The following FBXO42 variants were observed in gnomAD, a reference collection of about 807,000 sequenced individuals.
FBXO42 encodes the protein F-box protein 42, also known as F-box only protein 42.
Under a neutral mutation model 71.7 loss-of-function variants are expected in FBXO42, and 12 were observed. The observed-to-expected ratio is 0.17, with a 90% CI of 0.11 to 0.27. The LOEUF (loss-of-function observed/expected upper bound fraction) is 0.27, where lower values mean the gene tolerates loss of function less well. FBXO42 is among the 10% of genes least tolerant of loss of function. FBXO42 has a pLI of 1.00. For synonymous variants in FBXO42, 325 were observed against 327.5 expected (o/e 0.99, Z 0.08); for missense variants, 707 against 911.9 (o/e 0.78, Z 2.89).
intron 4 of FBXO42, among the ~76,000 whole-genome samples, chr1:16,261,331 G>A (rs1036977499): frequency 5.3e-5 from 8 of 152,172 alleles, no homozygotes; most frequent in African/African-American, 1.9e-4. Context: ...ATCAATATAA[G>A]AGATCCTCTA....
chr1:16,298,790 G>A (rs146927966), intron 3 of FBXO42, among the ~76,000 whole-genome samples: 61 of 151,942 alleles, frequency 4.0e-4, no homozygotes, highest in African/African-American at 1.4e-3. Flanking sequence ...GATTATAGGC[G>A]TGAGCCACCG....
chr1:16,278,964 CG>C (rs2081932795), intron 4 of FBXO42, among the ~76,000 whole-genome samples: 1 of 151,894 alleles, frequency 6.6e-6, no homozygotes, highest in Admixed American at 6.6e-5. Flanking sequence ...TTTTAGTACA[CG>C]GGGTTTCTCC....
intron 2 of FBXO42, among the ~76,000 whole-genome samples, chr1:16,310,531 C>T (rs1162295403): frequency 1.3e-5 from 2 of 152,004 alleles, no homozygotes; most frequent in Admixed American, 6.6e-5. Flanking sequence ...ACCTTATCCC[C>T]TCCCCAAAAT....
At chr1:16,289,131 C>T (rs1309087122) in intron 4 of FBXO42, among the ~76,000 whole-genome samples, 1 of 151,772 alleles carries the variant, frequency 6.6e-6, no homozygotes, top group Non-Finnish European at 1.5e-5. Context: ...GGCAGTGGCT[C>T]ATGCCTGTAA....
At chr1:16,323,821 A>G (rs2082429578) in intron 1 of FBXO42, among the ~76,000 whole-genome samples, 3 of 150,456 alleles carry the variant, frequency 2.0e-5, no homozygotes, top group Non-Finnish European at 4.4e-5. Context: ...AAAAAAAAGA[A>G]TAAGGGACAA....
chr1:16,334,960 T>G (rs1424928343), intron 1 of FBXO42, among the ~76,000 whole-genome samples: 1 of 147,862 alleles, frequency 6.8e-6, no homozygotes, highest in Non-Finnish European at 1.5e-5. Context: ...CGCGCAGTGG[T>G]TCACACCCGT....
intron 4 of FBXO42, among the ~76,000 whole-genome samples, chr1:16,273,800 G>A (rs1450631381): frequency 2.0e-5 from 3 of 151,974 alleles, no homozygotes; most frequent in African/African-American, 4.8e-5. Flanking sequence ...GATCACTTGA[G>A]CCCAAGAGGT....
chr1:16,345,577 C>T (rs866269662), intron 1 of FBXO42, among the ~76,000 whole-genome samples: 2 of 151,718 alleles, frequency 1.3e-5, no homozygotes, highest in African/African-American at 2.4e-5. Context: ...TCGCCAGGCG[C>T]GGTGGCTCAC....
chr1:16,348,859 A>T (rs978254649), intron 1 of FBXO42, among the ~76,000 whole-genome samples: 1 of 152,344 alleles, frequency 6.6e-6, no homozygotes, highest in African/African-American at 2.4e-5. Flanking sequence ...AATAACAATT[A>T]AATATTTACT....
chr1:16,344,101 G>A (rs555350879), intron 1 of FBXO42, among the ~76,000 whole-genome samples: 235 of 151,678 alleles, frequency 1.5e-3, no homozygotes, highest in Middle Eastern at 3.4e-3. Context: ...AGGTTTAAGC[G>A]ATTCTCCTGC....
intron 4 of FBXO42, among the ~76,000 whole-genome samples, chr1:16,265,381 G>GT (rs2081760315): frequency 1.3e-5 from 2 of 152,098 alleles, no homozygotes; most frequent in East Asian, 3.8e-4. Context: ...ATGAGCTACC[G>GT]TGCCCGGCCT....
intron 3 of FBXO42, among the ~76,000 whole-genome samples, chr1:16,296,903 G>A (rs2082136038): frequency 6.7e-6 from 1 of 150,324 alleles, no homozygotes; most frequent in Non-Finnish European, 1.5e-5. Context: ...ACTAGCTCTG[G>A]GAATAAACTC....
At chr1:16,325,624 T>A (rs1269376943) in intron 1 of FBXO42, among the ~76,000 whole-genome samples, 1 of 152,152 alleles carries the variant, frequency 6.6e-6, no homozygotes, top group Non-Finnish European at 1.5e-5. Context: ...AAAAATAAAG[T>A]ATTCCACAAA....
In FBXO42 at chr1:16,246,840, T is replaced by A. The variant is rs886124045; in HGVS notation, c.*3830A>T. The stretch of plus-strand genomic sequence containing the variant: ...TTTTCTTTTTTTGCTAATAAAACAG[T>A]TAAGACAATTGTCCATTTTATTTGT... On this transcript the variant is annotated 3_prime_UTR_variant, in exon 10 of 10. Transcript: ENST00000375592. 2.6e-5 allele frequency: 4 copies of A among 152,158 alleles called. No homozygotes were observed. The highest frequency in any genetic ancestry group is 4.4e-5 in the Non-Finnish European group (3 of 68,032). 9.4% of individuals were successfully genotyped at this position (152,158 alleles called of 1,614,324 possible).
At chr1:16,272,936 C>G (rs933568367) in intron 4 of FBXO42, among the ~76,000 whole-genome samples, 2 of 152,140 alleles carry the variant, frequency 1.3e-5, no homozygotes, top group African/African-American at 4.8e-5. Flanking sequence ...GTTCTTGTCT[C>G]GATTCTTTTT....
chr1:16,319,624 G>A (rs2082396383), intron 1 of FBXO42, among the ~76,000 whole-genome samples: 1 of 152,100 alleles, frequency 6.6e-6, no homozygotes, highest in Non-Finnish European at 1.5e-5. Context: ...TTAGAAAAAG[G>A]ATCCTAGGCC....
rs574971685 is a variant in FBXO42 at position 16,262,500 on chromosome 1, C to T, written c.503-5741G>A. Among the ~76,000 whole-genome samples the T allele has an allele frequency of 2.6e-5, 4 of 152,054 alleles. No individual in the cohort carries two copies. The South Asian group carries it at 6.2e-4, about 24-fold the overall frequency. On this transcript the variant is annotated intron_variant, in intron 4 of 9. Transcript: ENST00000375592. ...GGCGGGTGGATCACTTGAGGCCAGG[C>T]GTTTGAAACCAGCCTGGGCAACATG...
intron 4 of FBXO42, among the ~76,000 whole-genome samples, chr1:16,263,220 T>G: frequency 6.6e-6 from 1 of 151,170 alleles, no homozygotes; most frequent in Admixed American, 6.6e-5. Context: ...CCCAGCACTT[T>G]GGGAGGCTGA....
chr1:16,276,074 TCA>T (rs1194306948), intron 4 of FBXO42, among the ~76,000 whole-genome samples: 1 of 151,934 alleles, frequency 6.6e-6, no homozygotes, highest in Admixed American at 6.6e-5. Flanking sequence ...GCACATCTCC[TCA>T]CAGTTATGAA....
Sources: gnomAD v4.1 joint callset for allele counts (sites outside exome capture counted in the v4.1 genomes callset) on GRCh38, gnomAD v4.1.1 for gene constraint, MANE v1.5 for transcripts, NCBI Gene and HGNC (gene_info 2026-07-23, HGNC 2026-07-21) for gene names.